The following WDPCP variants were observed in gnomAD, a reference collection of about 807,000 sequenced individuals.
The protein encoded by WDPCP is WD repeat containing planar cell polarity effector.
Under a neutral mutation model 93.1 loss-of-function variants are expected in WDPCP, and 71 were observed. The ratio of observed to expected loss-of-function variants is 0.76; its 90% CI spans 0.63 to 0.93. The LOEUF is 0.93. Among genes scored for constraint, WDPCP ranks in the 40% least tolerant of loss-of-function variants. The pLI, the probability that WDPCP is intolerant of heterozygous loss-of-function variation, is 0.00. For synonymous variants in WDPCP, 315 were observed against 315.0 expected (o/e 1.00, Z 0.00); for missense variants, 844 against 887.4 (o/e 0.95, Z 0.62).
At chr2:63,531,039 T>C (rs1703794259) in intron 1 of WDPCP, among the ~76,000 whole-genome samples, 1 of 152,236 alleles carries the variant, frequency 6.6e-6, no homozygotes, top group South Asian at 2.1e-4. Flanking sequence ...CAGGAGATTA[T>C]ATCCCACGCC....
intron 2 of WDPCP, among the ~76,000 whole-genome samples, chr2:63,721,839 G>A (rs1280028781): frequency 2.0e-5 from 3 of 151,926 alleles, no homozygotes; most frequent in Non-Finnish European, 4.4e-5. Context: ...CAACCTCCCT[G>A]CCTGATTCTC....
intron 1 of WDPCP, chr2:63,519,189 G>A (rs916424148): frequency 3.9e-5 from 6 of 152,014 alleles, no homozygotes; most frequent in South Asian, 2.1e-4. Flanking sequence ...TTCCACTAGC[G>A]CCCCGCCCCA....
intron 2 of WDPCP, chr2:63,684,285 G>A: frequency 1.7e-6 from 1 of 572,754 alleles, no homozygotes; most frequent in Non-Finnish European, 3.3e-6. Context: ...TTTGCTGTAG[G>A]CCCAAGTGGT....
intron 6 of WDPCP, among the ~76,000 whole-genome samples, chr2:63,478,887 T>C (rs1037475786): frequency 6.6e-6 from 1 of 151,530 alleles, no homozygotes; most frequent in Non-Finnish European, 1.5e-5. Flanking sequence ...ACACACACGA[T>C]AAATGCAACA....
rs527506011 is a variant in WDPCP, at chr2:63,376,195, T to C, written c.1748+2191A>G. ...TCTTTTTTCATAATACTGTATAGCC[T>C]ACTATCAAAAGAAGAACTAATAAAA... On this transcript the variant is annotated intron_variant, in intron 12 of 17. Coordinates refer to ENST00000272321, the MANE Select transcript of WDPCP (RefSeq NM_015910.7). Among the ~76,000 whole-genome samples, 302 of 152,028 alleles carry C rather than the reference T, an allele frequency of 2.0e-3. 3 individuals are homozygous for C. Among genetic ancestry groups the C allele is most frequent in the Non-Finnish European group, 9.9e-4 (67 of 67,852 alleles).
At chr2:63,205,142 G>C (rs527733022) in intron 14 of WDPCP, among the ~76,000 whole-genome samples, 2 of 152,260 alleles carry the variant, frequency 1.3e-5, no homozygotes, top group East Asian at 3.9e-4. Flanking sequence ...TGTTGAAAAT[G>C]AGTTCACTGG....
At chr2:63,154,458 C>T (rs1672099535) in intron 15 of WDPCP, among the ~76,000 whole-genome samples, 1 of 152,110 alleles carries the variant, frequency 6.6e-6, no homozygotes, top group Non-Finnish European at 1.5e-5. Context: ...GATATTCATC[C>T]AAGTTGTTAA....
At chr2:63,593,360 C>G (rs1004816565), upstream of WDPCP, 1 of 318,080 alleles carries the variant, frequency 3.1e-6, no homozygotes, top group Non-Finnish European at 6.4e-6. Context: ...TCCCAAAGTG[C>G]TGAGATTACA....
chr2:63,556,957 T>C (rs1314704438), intron 1 of WDPCP, among the ~76,000 whole-genome samples: 1 of 152,126 alleles, frequency 6.6e-6, no homozygotes, highest in Non-Finnish European at 1.5e-5. Context: ...CCTTTTTGGA[T>C]AAGCAAATGC....
intron 13 of WDPCP, among the ~76,000 whole-genome samples, chr2:63,270,887 C>T (rs1682581752): frequency 1.3e-5 from 2 of 152,146 alleles, no homozygotes; most frequent in Admixed American, 1.3e-4. Context: ...TCCCACATCC[C>T]CCAAGACTCA....
intron 15 of WDPCP, among the ~76,000 whole-genome samples, chr2:63,159,973 C>T (rs1196569824): frequency 6.6e-6 from 1 of 152,186 alleles, no homozygotes; most frequent in East Asian, 1.9e-4. Flanking sequence ...TTATCTTATG[C>T]TTCCATGTAC....
chr2:63,430,725 T>C (rs2105439506), intron 9 of WDPCP, among the ~76,000 whole-genome samples: 1 of 152,192 alleles, frequency 6.6e-6, no homozygotes, highest in Admixed American at 6.5e-5. Flanking sequence ...CTACTAAAAA[T>C]ACAAAAACTA....
chr2:63,467,212 G>A (rs1699395576), intron 6 of WDPCP, among the ~76,000 whole-genome samples: 1 of 152,178 alleles, frequency 6.6e-6, no homozygotes, highest in Non-Finnish European at 1.5e-5. Flanking sequence ...TCCAGCGGTG[G>A]CTCACACCTG....
chr2:63,801,602 C>A (rs1670695657), intron 2 of WDPCP, among the ~76,000 whole-genome samples: 1 of 152,172 alleles, frequency 6.6e-6, no homozygotes, highest in Admixed American at 6.5e-5. Context: ...CTCCTCCCTG[C>A]GATTGGCTAC....
chr2:63,142,830 G>GTT (rs1374718703), intron 17 of WDPCP, among the ~76,000 whole-genome samples: 1 of 151,312 alleles, frequency 6.6e-6, no homozygotes, highest in Admixed American at 6.6e-5. Flanking sequence ...GTGTGTGTGT[G>GTT]TGTGTGTGTG....
chr2:63,524,767 T>A (rs1703198526), intron 1 of WDPCP, among the ~76,000 whole-genome samples: 1 of 152,152 alleles, frequency 6.6e-6, no homozygotes, highest in African/African-American at 2.4e-5. Context: ...CTAATTAAAC[T>A]AAAGAACTTC....
intron 2 of WDPCP, among the ~76,000 whole-genome samples, chr2:63,748,168 T>G (rs2103874421): frequency 6.6e-6 from 1 of 151,932 alleles, no homozygotes; most frequent in East Asian, 1.9e-4. Context: ...TTTTGAATTT[T>G]TTTACATATT....
intron 6 of WDPCP, among the ~76,000 whole-genome samples, chr2:63,454,332 A>G (rs918942888): frequency 2.0e-5 from 3 of 151,620 alleles, no homozygotes; most frequent in African/African-American, 7.3e-5. Context: ...GGTGGGCAAC[A>G]TCCCACACTG....
rs190586884 is a variant in WDPCP, at chr2:63,534,879, A to T, written c.76-41939T>A. On this transcript the variant is annotated intron_variant, in intron 1 of 17. Coordinates refer to ENST00000272321, the MANE Select transcript of WDPCP (RefSeq NM_015910.7). ...TGGCCAGGGCAATCAGGCAGGAGAA[A>T]GAAATAAAGGGTATTCAATTAGGAA... is the stretch of plus-strand genomic sequence containing the variant. 2.2e-4 allele frequency among the ~76,000 whole-genome samples: 33 copies of T among 152,076 alleles called. No homozygotes were observed. The East Asian group carries it at 3.5e-3, about 16-fold the overall frequency.
Sources: gnomAD v4.1 joint callset for allele counts (sites outside exome capture counted in the v4.1 genomes callset) on GRCh38, gnomAD v4.1.1 for gene constraint, MANE v1.5 for transcripts, NCBI Gene and HGNC (gene_info 2026-07-23, HGNC 2026-07-21) for gene names.